Variants in GABRB1 observed in about 807,000 individuals in gnomAD.
The protein encoded by GABRB1 is gamma-aminobutyric acid receptor subunit beta-1.
In GABRB1, 17 loss-of-function variants were observed where a neutral mutation model predicts 51.6. That is an observed-to-expected ratio of 0.33 (90% CI 0.23 to 0.49). The LOEUF (loss-of-function observed/expected upper bound fraction) is 0.49, where lower values mean the gene tolerates loss of function less well. GABRB1 is among the 20% of genes least tolerant of loss of function. The pLI is 0.99. For synonymous variants in GABRB1, 247 were observed against 218.9 expected, an observed-to-expected ratio of 1.13 and a Z score of -1.14; for missense variants, 410 against 600.6, an observed-to-expected ratio of 0.68 and a Z score of 3.32.
intron 3 of GABRB1, among the ~76,000 whole-genome samples, chr4:47,098,591 T>A (rs898059313): frequency 2.0e-5 from 3 of 152,138 alleles, no homozygotes; most frequent in African/African-American, 7.2e-5. Flanking sequence ...CAGTATCCAG[T>A]GTGACTAGAT....
rs189271170 is a variant in GABRB1, at chr4:47,211,969, C to T, written c.461+50500C>T. On this transcript the variant is annotated intron_variant, in intron 4 of 8. Transcript: ENST00000295454. ...CTCATCCCAACATCTTTAACTTAAA[C>T]TCATCTACAAAGTTCCTTTTTTCAT... Among the ~76,000 whole-genome samples the T allele has an allele frequency of 2.7e-3, 411 of 152,224 alleles. 2 individuals are homozygous for T. Among genetic ancestry groups the T allele is most frequent in the African/African-American group, 9.6e-3 (400 of 41,544 alleles).
chr4:47,185,292 G>A (rs1023570317), intron 4 of GABRB1, among the ~76,000 whole-genome samples: 6 of 151,788 alleles, frequency 4.0e-5, no homozygotes, highest in Admixed American at 1.3e-4. Context: ...AAGGCCACTG[G>A]AAAATTCTTC....
At chr4:47,015,683 T>G (rs1724722161) in intron 1 of GABRB1, among the ~76,000 whole-genome samples, 1 of 152,204 alleles carries the variant, frequency 6.6e-6, no homozygotes, top group Admixed American at 6.5e-5. Context: ...CCATAATTTG[T>G]AAAGATTATT....
At chr4:47,004,751 C>T (rs748448542) in intron 1 of GABRB1, among the ~76,000 whole-genome samples, 1 of 152,072 alleles carries the variant, frequency 6.6e-6, no homozygotes, top group African/African-American at 2.4e-5. Context: ...TGTTAAGATA[C>T]GTAGTTTATA....
intron 5 of GABRB1, among the ~76,000 whole-genome samples, chr4:47,326,537 A>G (rs771945438): frequency 3.9e-5 from 6 of 152,210 alleles, no homozygotes; most frequent in Non-Finnish European, 7.3e-5. Flanking sequence ...TAGAAAAAAC[A>G]TAGTATATGT....
intron 1 of GABRB1, among the ~76,000 whole-genome samples, chr4:47,005,522 G>T (rs1724361502): frequency 6.6e-6 from 1 of 151,934 alleles, no homozygotes; most frequent in African/African-American, 2.4e-5. Context: ...CCTGTGGTTT[G>T]AGCACAGTAT....
At chr4:47,278,119 C>T (rs1723153028) in intron 4 of GABRB1, among the ~76,000 whole-genome samples, 1 of 152,076 alleles carries the variant, frequency 6.6e-6, no homozygotes, top group Admixed American at 6.6e-5. Context: ...CTGTATTGCA[C>T]CTGTAATCAA....
At chr4:47,095,276 C>T (rs943290012) in intron 3 of GABRB1, among the ~76,000 whole-genome samples, 7 of 151,826 alleles carry the variant, frequency 4.6e-5, no homozygotes, top group African/African-American at 1.4e-4. Context: ...ACATGACAGA[C>T]CAAGCAGAAG....
chr4:47,406,570 G>T, intron 7 of GABRB1, 112 bp from the exon 8 acceptor site: 1 of 1,317,394 alleles, frequency 7.6e-7, no homozygotes, highest in Non-Finnish European at 1.1e-6. Context: ...ATGCTACTGT[G>T]ATCACTCAGG....
intron 8 of GABRB1, among the ~76,000 whole-genome samples, chr4:47,415,265 A>C (rs1728874246): frequency 6.6e-6 from 1 of 152,196 alleles, no homozygotes; most frequent in South Asian, 2.1e-4. Flanking sequence ...TGAAAGGTGG[A>C]AGCACAGTCC....
At chr4:47,265,120 T>G (rs1722597841) in intron 4 of GABRB1, among the ~76,000 whole-genome samples, 1 of 152,164 alleles carries the variant, frequency 6.6e-6, no homozygotes, top group Admixed American at 6.5e-5. Context: ...CTCAATTTTC[T>G]GAGTAACCAA....
intron 5 of GABRB1, among the ~76,000 whole-genome samples, chr4:47,340,214 G>A (rs1327769808): frequency 2.0e-5 from 3 of 152,020 alleles, no homozygotes; most frequent in Non-Finnish European, 4.4e-5. Flanking sequence ...ACCCAAGCAA[G>A]GAAGGTGTTG....
intron 3 of GABRB1, among the ~76,000 whole-genome samples, chr4:47,085,565 C>G (rs570852184): frequency 3.3e-5 from 5 of 152,052 alleles, no homozygotes; most frequent in African/African-American, 1.2e-4. Flanking sequence ...AAATTTAGAA[C>G]AGCAAGTTCT....
chr4:47,278,250 A>G (rs1723156514), intron 4 of GABRB1, among the ~76,000 whole-genome samples: 1 of 152,186 alleles, frequency 6.6e-6, no homozygotes, highest in Non-Finnish European at 1.5e-5. Flanking sequence ...AATTACTACA[A>G]GTTATTTTTA....
intron 3 of GABRB1, among the ~76,000 whole-genome samples, chr4:47,144,737 G>A (rs780898726): frequency 5.9e-5 from 9 of 151,698 alleles, no homozygotes; most frequent in Non-Finnish European, 1.2e-4. Flanking sequence ...TATTGTTACA[G>A]TTTCTAACAG....
intron 4 of GABRB1, among the ~76,000 whole-genome samples, chr4:47,184,895 G>C (rs1403777680): frequency 6.6e-6 from 1 of 151,796 alleles, no homozygotes; most frequent in Non-Finnish European, 1.5e-5. Context: ...TTTAGGCAGA[G>C]TAGCTGCAAA....
chr4:47,394,857 G>A (rs562312241), intron 5 of GABRB1, among the ~76,000 whole-genome samples: 33 of 151,958 alleles, frequency 2.2e-4, no homozygotes, highest in African/African-American at 7.5e-4. Flanking sequence ...TCTGATTTTT[G>A]TGTTACTTGA....
At position 47,396,333 on chromosome 4, in the gene GABRB1, T is replaced by C. The variant is rs574376277; in HGVS notation, c.545-6985T>C. Reference sequence around the variant, plus strand: ...GGAAACTACCCCCATTATTCAATTATCTCCCACCAGGTCCCTCCCACAACA... The same window carrying C: ...GGAAACTACCCCCATTATTCAATTACCTCCCACCAGGTCCCTCCCACAACA... On this transcript the variant is annotated intron_variant, in intron 5 of 8. Transcript: ENST00000295454. Among the ~76,000 whole-genome samples the C allele has an allele frequency of 1.1e-4, 17 of 152,154 alleles. No individual in the cohort carries two copies. In the South Asian group the frequency reaches 3.5e-3, roughly 32 times the overall value.
At chr4:47,104,758 T>C (rs1208846975) in intron 3 of GABRB1, among the ~76,000 whole-genome samples, 2 of 152,032 alleles carry the variant, frequency 1.3e-5, no homozygotes, top group Non-Finnish European at 2.9e-5. Flanking sequence ...TACTATGCTT[T>C]CCATATCTAA....
Sources: gnomAD v4.1 joint callset for allele counts (sites outside exome capture counted in the v4.1 genomes callset) on GRCh38, gnomAD v4.1.1 for gene constraint, MANE v1.5 for transcripts, NCBI Gene and HGNC (gene_info 2026-07-23, HGNC 2026-07-21) for gene names.